ACSL3: variants seen among roughly 807,000 people sequenced by gnomAD.
ACSL3 encodes fatty acid CoA ligase Acsl3.
Under a neutral mutation model 84.7 loss-of-function variants are expected in ACSL3, and 34 were observed. That is an observed-to-expected ratio of 0.40 (90% CI 0.31 to 0.53). The LOEUF (loss-of-function observed/expected upper bound fraction) is 0.53, where lower values mean the gene tolerates loss of function less well. Ranked by LOEUF, ACSL3 falls within the 20% of genes least tolerant of loss-of-function variation. The pLI, the probability that ACSL3 is intolerant of heterozygous loss-of-function variation, is 0.48. For synonymous variants in ACSL3, 315 were observed against 299.4 expected (o/e 1.05, Z -0.54); for missense variants, 680 against 873.1 (o/e 0.78, Z 2.79).
At chr2:222,939,048 G>C (rs1392294086) in intron 16 of ACSL3, among the ~76,000 whole-genome samples, 1 of 151,652 alleles carries the variant, frequency 6.6e-6, no homozygotes, top group African/African-American at 2.4e-5. Context: ...GTACTCTCTT[G>C]TAATTCATTG....
intron 1 of ACSL3, among the ~76,000 whole-genome samples, chr2:222,886,945 A>G (rs1305304874): frequency 1.3e-5 from 2 of 152,186 alleles, no homozygotes; most frequent in Admixed American, 1.3e-4. Flanking sequence ...CAGAGTCCAT[A>G]GTTTACATTA....
chr2:222,898,007 C>T (rs1559286837), intron 2 of ACSL3, among the ~76,000 whole-genome samples: 1 of 151,998 alleles, frequency 6.6e-6, no homozygotes, highest in Non-Finnish European at 1.5e-5. Flanking sequence ...CTTTCTTGAA[C>T]CCTCTTCATT....
intron 4 of ACSL3, among the ~76,000 whole-genome samples, chr2:222,914,234 CGT>C (rs57546680): frequency 0.22 from 30,233 of 139,850 alleles, 3,804 homozygotes; most frequent in East Asian, 0.52. Context: ...TGTGTGTGTA[CGT>C]GTGTGTGTGT....
intron 2 of ACSL3, among the ~76,000 whole-genome samples, chr2:222,898,553 A>G (rs1258142158): frequency 2.6e-5 from 4 of 152,360 alleles, no homozygotes; most frequent in East Asian, 1.9e-4. Context: ...TGATTGGTCC[A>G]TGGGCCACAT....
Position 222,944,539 on chromosome 2 carries a change from C to T in ACSL3, c.*2885C>T, listed in dbSNP as rs1038451642. On this transcript the variant is annotated 3_prime_UTR_variant, in exon 17 of 17. Coordinates refer to ENST00000357430, the MANE Select transcript of ACSL3 (RefSeq NM_004457.5). ...GTTGTTGCTGTTTTCTGCCTGAAGA[C>T]GTGTATCATAAAGAGCTACATGGTA... The T allele has an allele frequency of 4.0e-5, 6 of 151,348 alleles. No individual in the cohort carries two copies. The highest frequency in any genetic ancestry group is 7.3e-5 in the African/African-American group (3 of 41,174). The allele number at this position is 151,348 out of a possible 1,614,324, so 9.4% of individuals were successfully genotyped here.
In ACSL3 at chr2:222,900,772, T is replaced by C. The variant is rs1025639690; in HGVS notation, c.-49T>C. 2.0e-5 allele frequency: 3 copies of C among 152,228 alleles called. No homozygotes were observed. The highest frequency in any genetic ancestry group is 7.2e-5 in the African/African-American group (3 of 41,456). 9.4% of individuals were successfully genotyped at this position (152,228 alleles called of 1,614,324 possible). A position where few individuals can be genotyped will look rare whatever the true frequency, so the allele number is the denominator to read the frequency against. ...GTGTCACACCACCTTAGCCTCTTGATCGAGGAAGGTAAAGAATTACTTTCA... is the reference window on the plus strand; with the variant it reads ...GTGTCACACCACCTTAGCCTCTTGACCGAGGAAGGTAAAGAATTACTTTCA... On this transcript the variant is annotated 5_prime_UTR_variant, in exon 3 of 17. Coordinates refer to ENST00000357430, the MANE Select transcript of ACSL3 (RefSeq NM_004457.5).
At chr2:222,918,988 A>C (rs1696657289) in intron 6 of ACSL3, 76 bp from the exon 7 acceptor site, 1 of 1,540,644 alleles carries the variant, frequency 6.5e-7, no homozygotes, top group Non-Finnish European at 8.8e-7. Flanking sequence ...GATTCACCGA[A>C]TATGGTAAAC....
chr2:222,932,455 A>T (rs931807246), intron 14 of ACSL3, among the ~76,000 whole-genome samples: 19 of 152,056 alleles, frequency 1.2e-4, no homozygotes, highest in African/African-American at 4.6e-4. Context: ...CAGCCTCCTG[A>T]GTAGCTGGGA....
At chr2:222,936,699 A>T (rs1697180134) in intron 16 of ACSL3, among the ~76,000 whole-genome samples, 1 of 150,302 alleles carries the variant, frequency 6.7e-6, no homozygotes, top group South Asian at 2.1e-4. Context: ...CTATAAAGAC[A>T]TACCTGAGAC....
chr2:222,867,502 G>A (rs1481806100), intron 1 of ACSL3, among the ~76,000 whole-genome samples: 1 of 152,086 alleles, frequency 6.6e-6, no homozygotes, highest in Non-Finnish European at 1.5e-5. Context: ...ACTTTATATA[G>A]ATGGTACTGC....
At chr2:222,881,866 T>C (rs1207736240) in intron 1 of ACSL3, among the ~76,000 whole-genome samples, 1 of 152,246 alleles carries the variant, frequency 6.6e-6, no homozygotes, top group African/African-American at 2.4e-5. Context: ...CTCCTACTTA[T>C]GCCTGTTAAA....
intron 3 of ACSL3, among the ~76,000 whole-genome samples, chr2:222,906,597 T>A (rs1223278748): frequency 2.0e-5 from 3 of 150,592 alleles, no homozygotes; most frequent in African/African-American, 4.9e-5. Context: ...CACTTGCTGC[T>A]GTCACAGAAC....
At chr2:222,912,384 GA>G (rs1696467539) in intron 4 of ACSL3, among the ~76,000 whole-genome samples, 1 of 152,184 alleles carries the variant, frequency 6.6e-6, no homozygotes, top group African/African-American at 2.4e-5. Context: ...CTAGGGTGTT[GA>G]AAAGGGGAAC....
At position 222,863,640 on chromosome 2, in the gene ACSL3, G is replaced by A. The variant is rs539957949; in HGVS notation, c.-207+2382G>A. 2.8e-4 allele frequency among the ~76,000 whole-genome samples: 42 copies of A among 152,224 alleles called. 1 individual carries two copies. The South Asian group carries it at 8.5e-3, about 31-fold the overall frequency. ...TAGGAAAGCTAGGCCAAGGGTGATA[G>A]GCTTTTAAAACAACGAGCATCATAA... On this transcript the variant is annotated intron_variant, in intron 1 of 16. Coordinates refer to ENST00000357430, the MANE Select transcript of ACSL3 (RefSeq NM_004457.5).
At chr2:222,887,969 A>G (rs1260112321) in intron 2 of ACSL3, 81 bp downstream of exon 2, 2 of 152,184 alleles carry the variant, frequency 1.3e-5, no homozygotes, top group Non-Finnish European at 2.9e-5. Flanking sequence ...AATTATGGCT[A>G]AATTGACCAA....
At chr2:222,871,948 G>A (rs1381906655) in intron 1 of ACSL3, among the ~76,000 whole-genome samples, 2 of 151,960 alleles carry the variant, frequency 1.3e-5, no homozygotes, top group Non-Finnish European at 2.9e-5. Flanking sequence ...TGCTCTTGTG[G>A]CATTCCCCCC....
At chr2:222,913,207 A>G (rs957653762) in intron 4 of ACSL3, among the ~76,000 whole-genome samples, 4 of 152,208 alleles carry the variant, frequency 2.6e-5, no homozygotes, top group African/African-American at 9.7e-5. Flanking sequence ...ATTGATCCAA[A>G]AAGATAATAG....
chr2:222,927,325 T>A (rs539918330), intron 12 of ACSL3, 136 bp downstream of exon 12: 20 of 829,210 alleles, frequency 2.4e-5, no homozygotes, highest in Middle Eastern at 3.8e-4. Context: ...CCAAGTACTA[T>A]GATCATTGAT....
intron 8 of ACSL3, 78 bp from the exon 9 acceptor site, chr2:222,922,630 A>AAAG: frequency 6.3e-7 from 1 of 1,579,064 alleles, no homozygotes; most frequent in Non-Finnish European, 8.6e-7. Flanking sequence ...ATGTGCCTTC[A>AAAG]AGCTTGCTCC....
Sources: allele counts gnomAD v4.1 joint callset (sites outside exome capture counted in the v4.1 genomes callset), GRCh38; gene constraint gnomAD v4.1.1; transcripts MANE v1.5; gene names NCBI Gene and HGNC (gene_info 2026-07-23, HGNC 2026-07-21).